FHIT: variants seen among roughly 807,000 people sequenced by gnomAD.
The protein encoded by FHIT is fragile histidine triad diadenosine triphosphatase, also known as bis(5'-adenosyl)-triphosphatase.
FHIT carries 19 observed loss-of-function variants against 17.9 expected under a neutral mutation model. That is an observed-to-expected ratio of 1.06 (90% CI 0.74 to 1.56). The LOEUF is 1.56. Ranked by LOEUF, FHIT falls within the 40% of genes most tolerant of loss-of-function variation. The pLI is 0.00. For missense variants in FHIT, 248 were observed against 189.2 expected, an observed-to-expected ratio of 1.31 and a Z score of -1.82; for synonymous variants, 81 against 69.7, an observed-to-expected ratio of 1.16 and a Z score of -0.81.
intron 2 of FHIT, among the ~76,000 whole-genome samples, chr3:61,044,449 G>C (rs1559935845): frequency 6.6e-6 from 1 of 152,116 alleles, no homozygotes; most frequent in African/African-American, 2.4e-5. Flanking sequence ...AGTAAAAAGA[G>C]ATGAACAAAG....
intron 5 of FHIT, among the ~76,000 whole-genome samples, chr3:60,083,101 T>G (rs188805392): frequency 6.6e-6 from 1 of 152,174 alleles, no homozygotes; most frequent in African/African-American, 2.4e-5. Context: ...TTTAAGGTCT[T>G]ACATTTAAAT....
intron 5 of FHIT, among the ~76,000 whole-genome samples, chr3:60,134,484 C>T (rs1348034147): frequency 6.6e-6 from 1 of 152,158 alleles, no homozygotes; most frequent in Non-Finnish European, 1.5e-5. Context: ...GCCCACAGGC[C>T]TTTACAAAAC....
At chr3:60,840,054 C>T (rs1553744680) in intron 3 of FHIT, among the ~76,000 whole-genome samples, 1 of 152,060 alleles carries the variant, frequency 6.6e-6, no homozygotes, top group Non-Finnish European at 1.5e-5. Context: ...AGCTCTCTAG[C>T]ACTCAGTCCT....
intron 8 of FHIT, among the ~76,000 whole-genome samples, chr3:59,760,525 G>T (rs1220996108): frequency 6.6e-6 from 1 of 150,730 alleles, no homozygotes; most frequent in Non-Finnish European, 1.5e-5. Context: ...ACCAAGGTGG[G>T]CATTTCAGGT....
At chr3:60,177,863 G>T (rs749690427) in intron 5 of FHIT, among the ~76,000 whole-genome samples, 40 of 152,138 alleles carry the variant, frequency 2.6e-4, no homozygotes, top group Non-Finnish European at 4.0e-4. Flanking sequence ...GTATAGGCTG[G>T]ACTGGGTCAG....
chr3:59,823,348 G>T (rs537158544), intron 8 of FHIT, among the ~76,000 whole-genome samples: 2 of 152,084 alleles, frequency 1.3e-5, no homozygotes, highest in African/African-American at 2.4e-5. Context: ...GTATTTTTAT[G>T]GGAATTGCAT....
At chr3:60,187,543 T>C (rs925074246) in intron 5 of FHIT, among the ~76,000 whole-genome samples, 6 of 152,184 alleles carry the variant, frequency 3.9e-5, no homozygotes, top group African/African-American at 1.4e-4. Flanking sequence ...GAGTCTTCAA[T>C]CTAGAGAGTG....
intron 3 of FHIT, among the ~76,000 whole-genome samples, chr3:60,858,720 G>T (rs1177507010): frequency 1.3e-5 from 2 of 152,104 alleles, no homozygotes; most frequent in African/African-American, 4.8e-5. Context: ...ACTTAAATAG[G>T]ACAGAAATAG....
rs1702114497 is a variant in FHIT, at chr3:60,826,195, AAGGAAG to A, written c.-110-4190_-110-4185del. ...GAAGGAAGGAAGGAAGGAAGGAAGG[AAGGAAG>A]GAAGGAAGGAAAGAAGGAAGGAAGG... is the stretch of plus-strand genomic sequence containing the variant. On this transcript the variant is annotated intron_variant, in intron 3 of 9. Coordinates refer to ENST00000492590, the MANE Select transcript of FHIT (RefSeq NM_002012.4). Among the ~76,000 whole-genome samples the A allele has an allele frequency of 3.6e-5, 5 of 140,284 alleles. No individual in the cohort carries two copies. In the South Asian group the frequency reaches 1.1e-3, roughly 30 times the overall value. The allele number at this position is 140,284 out of a possible 152,430, so 92.0% of individuals were successfully genotyped here.
chr3:60,133,627 G>C (rs944713441), intron 5 of FHIT, among the ~76,000 whole-genome samples: 3 of 151,954 alleles, frequency 2.0e-5, no homozygotes, highest in African/African-American at 7.2e-5. Flanking sequence ...GGACCAGGGG[G>C]CAGAGTCACC....
intron 5 of FHIT, among the ~76,000 whole-genome samples, chr3:60,402,415 T>C (rs1029458889): frequency 5.9e-5 from 9 of 152,212 alleles, no homozygotes; most frequent in Non-Finnish European, 7.3e-5. Flanking sequence ...ATGAAATTTA[T>C]TATTATCAAC....
At chr3:61,052,789 AG>A (rs1253328975) in intron 2 of FHIT, among the ~76,000 whole-genome samples, 1 of 152,202 alleles carries the variant, frequency 6.6e-6, no homozygotes, top group Non-Finnish European at 1.5e-5. Flanking sequence ...ATTTATAATA[AG>A]GTTCCAAGAT....
chr3:61,042,870 A>T (rs2033588769), intron 2 of FHIT, among the ~76,000 whole-genome samples: 1 of 151,722 alleles, frequency 6.6e-6, no homozygotes, highest in African/African-American at 2.4e-5. Context: ...ACTTTTTTTT[A>T]AAAAGTAAGG....
chr3:60,088,879 G>C (rs544031940), intron 5 of FHIT, among the ~76,000 whole-genome samples: 1 of 152,202 alleles, frequency 6.6e-6, no homozygotes, highest in South Asian at 2.1e-4. Context: ...CACATGGTAG[G>C]TACTCAATAA....
intron 8 of FHIT, among the ~76,000 whole-genome samples, chr3:59,857,293 T>C (rs1048700699): frequency 6.6e-6 from 1 of 152,162 alleles, no homozygotes; most frequent in Non-Finnish European, 1.5e-5. Context: ...GTGAGGAACC[T>C]TAAGCACTAA....
At chr3:60,994,860 G>A (rs911971303) in intron 3 of FHIT, among the ~76,000 whole-genome samples, 5 of 152,196 alleles carry the variant, frequency 3.3e-5, no homozygotes, top group African/African-American at 4.8e-5. Flanking sequence ...CTGCAGCTGA[G>A]CTCCAGCCAG....
chr3:60,042,183 A>C (rs1701469096), intron 5 of FHIT, among the ~76,000 whole-genome samples: 2 of 152,212 alleles, frequency 1.3e-5, no homozygotes, highest in African/African-American at 4.8e-5. Flanking sequence ...AGGCATTAGA[A>C]ATTTATTAGA....
At chr3:59,893,210 G>C (rs760109330) in intron 8 of FHIT, among the ~76,000 whole-genome samples, 4 of 152,166 alleles carry the variant, frequency 2.6e-5, no homozygotes, top group Non-Finnish European at 5.9e-5. Context: ...AATTGTTTCT[G>C]TAGCCTATTC....
Position 60,186,288 on chromosome 3 carries a change from G to GT in FHIT, c.104-172137dup, listed in dbSNP as rs1407779384. ...ACATTTAGGTCTATTATTCATTTGAGTTTTTTTGTGACATATGCAAGGTCT... is the reference window on the plus strand; with the variant it reads ...ACATTTAGGTCTATTATTCATTTGAGTTTTTTTTGTGACATATGCAAGGTCT... On this transcript the variant is annotated intron_variant, in intron 5 of 9. Transcript: ENST00000492590. 7.7e-4 allele frequency among the ~76,000 whole-genome samples: 117 copies of GT among 151,810 alleles called. 9 individuals carry two copies. The highest frequency in any genetic ancestry group is 2.9e-5 in the Non-Finnish European group (2 of 67,964).
Sources: gnomAD v4.1 joint callset for allele counts (sites outside exome capture counted in the v4.1 genomes callset) on GRCh38, gnomAD v4.1.1 for gene constraint, MANE v1.5 for transcripts, NCBI Gene and HGNC (gene_info 2026-07-23, HGNC 2026-07-21) for gene names.